The following ANKIB1 variants were observed in gnomAD, a reference collection of about 807,000 sequenced individuals.
ANKIB1 encodes ankyrin repeat and IBR domain containing 1, also known as ankyrin repeat and IBR domain-containing protein 1.
ANKIB1 carries 43 observed loss-of-function variants against 122.1 expected under a neutral mutation model. The ratio of observed to expected loss-of-function variants is 0.35; its 90% CI spans 0.28 to 0.45. The LOEUF (loss-of-function observed/expected upper bound fraction) is 0.45, where lower values mean the gene tolerates loss of function less well. Among genes scored for constraint, ANKIB1 ranks in the 20% least tolerant of loss-of-function variants. The pLI is 1.00. For synonymous variants in ANKIB1, 390 were observed against 442.0 expected (o/e 0.88, Z 1.48); for missense variants, 992 against 1,329.5 (o/e 0.75, Z 3.95).
chr7:92,322,811 CTTT>C (rs1256196337), intron 4 of ANKIB1, among the ~76,000 whole-genome samples: 1 of 152,116 alleles, frequency 6.6e-6, no homozygotes, highest in East Asian at 1.9e-4. Context: ...TATATATCTT[CTTT>C]ATCCAATTGT....
intron 2 of ANKIB1, among the ~76,000 whole-genome samples, chr7:92,296,073 C>T (rs1391816959): frequency 6.6e-6 from 1 of 152,114 alleles, no homozygotes; most frequent in Non-Finnish European, 1.5e-5. Flanking sequence ...TTTCCTGTTT[C>T]TTCCGTGTAC....
At position 92,313,413 on chromosome 7, in the gene ANKIB1, A is replaced by G. The variant is rs547063181; in HGVS notation, c.486+5757A>G. On this transcript the variant is annotated intron_variant, in intron 3 of 19. Coordinates refer to ENST00000265742, the MANE Select transcript of ANKIB1 (RefSeq NM_019004.2). ...AGCACCTAGAGTTTTAAAACTGTGT[A>G]AAGAATACAGGAATTATATTTCCGG... 7.2e-5 allele frequency among the ~76,000 whole-genome samples: 11 copies of G among 152,338 alleles called. No homozygotes were observed. The South Asian group carries it at 2.3e-3, about 32-fold the overall frequency.
chr7:92,246,470 T>A lies in ANKIB1; in HGVS notation c.-140T>A. 1 of 518,242 alleles carries A rather than the reference T, an allele frequency of 1.9e-6. No homozygotes were observed. 32.1% of individuals were successfully genotyped at this position (518,242 alleles called of 1,614,324 possible). A position where few individuals can be genotyped will look rare whatever the true frequency, so the allele number is the denominator to read the frequency against. On this transcript the variant is annotated 5_prime_UTR_variant, in exon 1 of 20. Transcript: ENST00000265742. ...GAGGCAGGGGCGGCGGAGGCGGAACTGCGGAGTTGCTGGGTCCACCGACCC... is the reference window on the plus strand; with the variant it reads ...GAGGCAGGGGCGGCGGAGGCGGAACAGCGGAGTTGCTGGGTCCACCGACCC...
chr7:92,383,003 TAAAG>T (rs894365623), intron 11 of ANKIB1, among the ~76,000 whole-genome samples: 4 of 151,274 alleles, frequency 2.6e-5, no homozygotes, highest in African/African-American at 7.3e-5. Context: ...GCAAGACTAA[TAAAG>T]AAGAAAAGAG....
chr7:92,385,303 C>G (rs1227407303), intron 11 of ANKIB1, among the ~76,000 whole-genome samples: 4 of 152,176 alleles, frequency 2.6e-5, no homozygotes. Flanking sequence ...CTAGTTCAAC[C>G]ATTATGGAAG....
At chr7:92,319,295 TGTA>T in intron 3 of ANKIB1, 32 bp from the exon 4 acceptor site, 7 of 1,352,862 alleles carry the variant, frequency 5.2e-6, no homozygotes, top group Non-Finnish European at 7.1e-6. Flanking sequence ...TATTTGAACC[TGTA>T]GTTGCAAGTT....
chr7:92,253,550 A>G (rs186290544), intron 1 of ANKIB1, among the ~76,000 whole-genome samples: 1 of 152,206 alleles, frequency 6.6e-6, no homozygotes, highest in South Asian at 2.1e-4. Flanking sequence ...ACACCTTTAC[A>G]TATTCTAATA....
chr7:92,329,880 A>C (rs1803125953), intron 5 of ANKIB1, among the ~76,000 whole-genome samples: 1 of 152,188 alleles, frequency 6.6e-6, no homozygotes, highest in East Asian at 1.9e-4. Context: ...CCTAGTCTCC[A>C]GTTTTACCAT....
rs1477793057 is a variant in ANKIB1, at chr7:92,399,416, C to T, written c.*467C>T. 1.3e-5 allele frequency: 2 copies of T among 151,918 alleles called. No individual in the cohort carries two copies. Among genetic ancestry groups the T allele is most frequent in the African/African-American group, 4.8e-5 (2 of 41,366 alleles). The allele number at this position is 151,918 out of a possible 1,614,324, so 9.4% of individuals were successfully genotyped here. On this transcript the variant is annotated 3_prime_UTR_variant, in exon 20 of 20. Transcript: ENST00000265742. The stretch of plus-strand genomic sequence containing the variant: ...CATATATGTCCTCAATCTCTTTGTG[C>T]TCTTCCATAACTTACTTCCTTTTTG...
At chr7:92,278,865 A>C (rs900909007) in intron 1 of ANKIB1, among the ~76,000 whole-genome samples, 1 of 152,210 alleles carries the variant, frequency 6.6e-6, no homozygotes, top group Non-Finnish European at 1.5e-5. Flanking sequence ...GAGAAAGGTA[A>C]GGGAAGTAGA....
chr7:92,366,005 C>T (rs1804072371), intron 10 of ANKIB1, among the ~76,000 whole-genome samples: 1 of 151,440 alleles, frequency 6.6e-6, no homozygotes, highest in Non-Finnish European at 1.5e-5. Context: ...CCATGTTAGC[C>T]AGGATGGTCT....
chr7:92,332,581 A>C (rs1803193446), intron 5 of ANKIB1, among the ~76,000 whole-genome samples: 1 of 152,216 alleles, frequency 6.6e-6, no homozygotes, highest in African/African-American at 2.4e-5. Context: ...ATGTAATTGA[A>C]TATTACCTAA....
At chr7:92,282,436 G>T (rs1177163837) in intron 1 of ANKIB1, among the ~76,000 whole-genome samples, 1 of 152,098 alleles carries the variant, frequency 6.6e-6, no homozygotes, top group African/African-American at 2.4e-5. Context: ...GAGCCACCAC[G>T]CCTGGCCAGC....
In ANKIB1 at chr7:92,399,140, T is replaced by A. The variant is rs193203930; in HGVS notation, c.*191T>A. Reference sequence around the variant, plus strand: ...TTAACCTTACAGGGAATTTCCTTTGTACTTAATTGAATAGCTTTTCCCCTT... The same window carrying A: ...TTAACCTTACAGGGAATTTCCTTTGAACTTAATTGAATAGCTTTTCCCCTT... On this transcript the variant is annotated 3_prime_UTR_variant, in exon 20 of 20. Coordinates refer to ENST00000265742, the MANE Select transcript of ANKIB1 (RefSeq NM_019004.2). The A allele has an allele frequency of 4.4e-4, 225 of 513,642 alleles. 2 individuals carry two copies. Among genetic ancestry groups the A allele is most frequent in the African/African-American group, 4.1e-3 (208 of 50,622 alleles). The allele number at this position is 513,642 out of a possible 1,614,324, so 31.8% of individuals were successfully genotyped here.
At position 92,307,611 on chromosome 7, in the gene ANKIB1, A is replaced by C. The variant is rs1585099265; in HGVS notation, c.441A>C (p.Thr147=). ...ATGCTGTTGATAACAAAAAAAACAC[A>C]CCCTTGCACTATGCTGCTGCCTCAG... The part of the protein sequence containing the change: ...AIDAVDNKKN[T]PLHYAAASGM... The change falls in exon 3 of 20, where the codon ACA becomes ACC. Residue 147 remains threonine, a synonymous_variant. Transcript: ENST00000265742. 1 of 1,612,158 alleles carries C rather than the reference A, an allele frequency of 6.2e-7. No homozygotes were observed. The highest frequency in any genetic ancestry group is 2.2e-5 in the East Asian group (1 of 44,828).
chr7:92,374,804 C>T (rs996459114), intron 11 of ANKIB1, among the ~76,000 whole-genome samples: 7 of 148,182 alleles, frequency 4.7e-5, no homozygotes, highest in African/African-American at 1.5e-4. Context: ...ACTGAAAACG[C>T]GACTAATAAA....
At chr7:92,255,041 C>A (rs934188342) in intron 1 of ANKIB1, among the ~76,000 whole-genome samples, 4 of 152,184 alleles carry the variant, frequency 2.6e-5, no homozygotes, top group African/African-American at 9.7e-5. Flanking sequence ...CTGCTGCCAT[C>A]CATGTAAGAT....
At chr7:92,278,084 C>CAA (rs78314221) in intron 1 of ANKIB1, among the ~76,000 whole-genome samples, 2 of 119,802 alleles carry the variant, frequency 1.7e-5, no homozygotes, top group East Asian at 2.3e-4. Context: ...AACTCTGTGT[C>CAA]AAAAAAAAAA....
intron 8 of ANKIB1, among the ~76,000 whole-genome samples, chr7:92,352,230 TTTAGA>T (rs1803680752): frequency 1.3e-5 from 2 of 152,236 alleles, no homozygotes; most frequent in South Asian, 2.1e-4. Context: ...TTACATGGTT[TTTAGA>T]TTAAAGAAAA....
Sources: allele counts gnomAD v4.1 joint callset (sites outside exome capture counted in the v4.1 genomes callset), GRCh38; gene constraint gnomAD v4.1.1; transcripts MANE v1.5; gene names NCBI Gene and HGNC (gene_info 2026-07-23, HGNC 2026-07-21).